The following CCDC88C variants were observed in gnomAD, a reference collection of about 807,000 sequenced individuals.
CCDC88C encodes protein Daple.
A neutral mutation model predicts 198.8 loss-of-function variants in CCDC88C; 131 were observed. The observed-to-expected ratio is 0.66, with a 90% CI of 0.57 to 0.76. The LOEUF (loss-of-function observed/expected upper bound fraction) is 0.76. Among genes scored for constraint, CCDC88C ranks in the 30% least tolerant of loss-of-function variants. The probability of loss-of-function intolerance (pLI) is 0.00; values close to 1 mark genes in which losing one functional copy is unlikely to be tolerated. For missense variants in CCDC88C, 2,553 were observed against 2,631.6 expected (o/e 0.97, Z 0.65); for synonymous variants, 1,166 against 1,114.7 (o/e 1.05, Z -0.92).
rs1891902050 is a variant in CCDC88C at position 91,312,946 on chromosome 14, G to T, written c.2736+134C>A. 6.1e-6 allele frequency: 4 copies of T among 660,294 alleles called. No homozygotes were observed. The South Asian group carries it at 8.4e-5, about 14-fold the overall frequency. 40.9% of individuals were successfully genotyped at this position (660,294 alleles called of 1,614,324 possible). On this transcript the variant is annotated intron_variant, in intron 15 of 29. Transcript: ENST00000389857. ...TATTCACTGGGTTCTTAGACCTTTA[G>T]GTATTGCTGTTTAGAATTAGATAAA...
intron 21 of CCDC88C, among the ~76,000 whole-genome samples, chr14:91,298,036 G>C (rs1226937575): frequency 1.3e-5 from 2 of 152,122 alleles, no homozygotes; most frequent in African/African-American, 4.8e-5. Flanking sequence ...TATCCAACTG[G>C]GAGTTCTCTG....
intron 23 of CCDC88C, 140 bp downstream of exon 23, chr14:91,294,033 G>T: frequency 1.2e-6 from 1 of 858,526 alleles, no homozygotes; most frequent in Non-Finnish European, 1.8e-6. Flanking sequence ...AGTCCGTGCT[G>T]GTGATCGGTC....
At chr14:91,365,669 GCCC>G in intron 3 of CCDC88C, among the ~76,000 whole-genome samples, 1 of 152,256 alleles carries the variant, frequency 6.6e-6, no homozygotes, top group Admixed American at 6.5e-5. Flanking sequence ...GACATCCTTA[GCCC>G]CGCTCTGAGA....
intron 26 of CCDC88C, among the ~76,000 whole-genome samples, chr14:91,282,034 G>A (rs1819529278): frequency 6.6e-6 from 1 of 152,172 alleles, no homozygotes; most frequent in African/African-American, 2.4e-5. Flanking sequence ...GGAATCCATT[G>A]GCCATCAAGC....
At chr14:91,293,502 G>A (rs1890823273) in intron 23 of CCDC88C, among the ~76,000 whole-genome samples, 6 of 126,486 alleles carry the variant, frequency 4.7e-5, no homozygotes, top group South Asian at 2.5e-4. Context: ...ATCCTCACCT[G>A]CCACGGCCTA....
Position 91,273,357 on chromosome 14 carries a change from A to G in CCDC88C, c.5355T>C (p.Ala1785=). ...GTGCATGGGAAGCTGGGGGCACCGG[A>G]GCCTGCCGGGGTCTGCCCAGAGACA... ...QSLSLGRPRQ[A]PVPPASHAPA... The change falls in exon 30 of 30, where the codon GCT becomes GCC. Residue 1785 remains alanine, a synonymous_variant. Transcript: ENST00000389857. This position sits in a 1 kb window ranked among gnomAD's most constrained non-coding sequence, Gnocchi z 5.6. The G allele has an allele frequency of 6.5e-7, 1 of 1,537,326 alleles. No homozygotes were observed. The highest frequency in any genetic ancestry group is 8.8e-7 in the Non-Finnish European group (1 of 1,139,964).
chr14:91,337,653 C>T (rs1380005716), intron 10 of CCDC88C, among the ~76,000 whole-genome samples: 1 of 152,232 alleles, frequency 6.6e-6, no homozygotes, highest in East Asian at 1.9e-4. Flanking sequence ...CCGTTATTCC[C>T]ACAGATGAGG....
At chr14:91,402,655 T>C (rs1182634637) in intron 3 of CCDC88C, among the ~76,000 whole-genome samples, 1 of 152,196 alleles carries the variant, frequency 6.6e-6, no homozygotes, top group East Asian at 1.9e-4. Flanking sequence ...CAACAGGGCT[T>C]AGTAGTGGCT....
At chr14:91,367,363 C>T (rs1488342601) in intron 3 of CCDC88C, among the ~76,000 whole-genome samples, 2 of 152,196 alleles carry the variant, frequency 1.3e-5, no homozygotes, top group South Asian at 2.1e-4. Context: ...CAAAGCAAAA[C>T]CACAAAGAAT....
intron 25 of CCDC88C, chr14:91,285,749 CGTTTAGAGAG>C (rs1300801938): frequency 7.8e-7 from 1 of 1,288,962 alleles, no homozygotes; most frequent in Admixed American, 2.3e-5. Flanking sequence ...GAACCGCAGG[CGTTTAGAGAG>C]AGCTGGGTGG....
chr14:91,361,785 A>G (rs1490856733), intron 3 of CCDC88C, among the ~76,000 whole-genome samples: 1 of 152,166 alleles, frequency 6.6e-6, no homozygotes, highest in Admixed American at 6.5e-5. Context: ...TAAATGCATG[A>G]GTTTGCCAAA....
Position 91,338,565 on chromosome 14 carries a change from T to C in CCDC88C, c.815A>G (p.Asp272Gly), listed in dbSNP as rs758943517. The C allele has an allele frequency of 6.4e-7, 1 of 1,562,522 alleles. No homozygotes were observed. The highest frequency in any genetic ancestry group is 8.7e-7 in the Non-Finnish European group (1 of 1,153,472). Reference sequence around the variant, plus strand: ...GGTGTCCACAAGCTGCTCTGTCTTATCCTCCCTGCAGAGGCAGTAAGGAGA... The same window carrying C: ...GGTGTCCACAAGCTGCTCTGTCTTACCCTCCCTGCAGAGGCAGTAAGGAGA... Reference protein sequence around the residue: ...RLRRVRQELEDKTEQLVDTRH... With the variant: ...RLRRVRQELEGKTEQLVDTRH... Residue 272 changes from aspartate (D) to glycine (G), a missense_variant, in exon 9 of 30, where the codon GAT becomes GGT. Asp to Gly is a moderately conservative substitution (Grantham distance 94, BLOSUM62 -1). Around this residue, in one of 2 missense-constraint regions of CCDC88C, gnomAD observed 1,260 missense variants for 1,412.0 expected, o/e 0.89. Transcript: ENST00000389857. The surrounding 1 kb of genome is among the most constrained non-coding windows in gnomAD (Gnocchi z 4.8).
intron 4 of CCDC88C, among the ~76,000 whole-genome samples, chr14:91,344,605 G>A (rs1186131976): frequency 1.1e-4 from 16 of 151,098 alleles, no homozygotes; most frequent in Non-Finnish European, 1.2e-4. Context: ...TCTGCCTCCT[G>A]GGTTCATGCC....
At chr14:91,374,867 C>T (rs1261299679) in intron 3 of CCDC88C, among the ~76,000 whole-genome samples, 1 of 152,126 alleles carries the variant, frequency 6.6e-6, no homozygotes, top group African/African-American at 2.4e-5. Flanking sequence ...GAGAAGGATT[C>T]TGAGGCCAGA....
intron 3 of CCDC88C, among the ~76,000 whole-genome samples, chr14:91,395,830 C>G (rs754160904): frequency 6.6e-6 from 1 of 152,132 alleles, no homozygotes; most frequent in African/African-American, 2.4e-5. Context: ...TTAGCCTCCC[C>G]GAAACCCAAT....
chr14:91,346,216 A>T (rs147782830), intron 4 of CCDC88C, among the ~76,000 whole-genome samples: 175 of 152,326 alleles, frequency 1.1e-3, no homozygotes, highest in African/African-American at 4.2e-3. Context: ...TTTCCTTGAG[A>T]TAATGACATC....
At chr14:91,333,801 G>C (rs1458586079) in intron 10 of CCDC88C, among the ~76,000 whole-genome samples, 2 of 152,198 alleles carry the variant, frequency 1.3e-5, no homozygotes, top group Admixed American at 1.3e-4. Context: ...CAAACCCTCA[G>C]CTGATCCTGA....
intron 2 of CCDC88C, 37 bp from the exon 3 acceptor site, chr14:91,408,804 C>T: frequency 7.5e-7 from 1 of 1,341,574 alleles, no homozygotes; most frequent in Middle Eastern, 1.8e-4. Flanking sequence ...ATTGCATCTC[C>T]CAGCAGCTGC....
At chr14:91,416,654 C>T in intron 2 of CCDC88C, 84 bp downstream of exon 2, 1 of 1,009,478 alleles carries the variant, frequency 9.9e-7, no homozygotes, top group African/African-American at 1.6e-5. Context: ...ACACACACCC[C>T]GCCATGCAAC....
Sources: gnomAD v4.1 joint callset for allele counts (sites outside exome capture counted in the v4.1 genomes callset) on GRCh38, gnomAD v4.1.1 for gene constraint, gnomAD v4.1.1 regional missense constraint, Gnocchi (gnomAD v3.1) non-coding constraint, MANE v1.5 for transcripts, NCBI Gene and HGNC (gene_info 2026-07-23, HGNC 2026-07-21) for gene names.